AGMO: variants seen among roughly 807,000 people sequenced by gnomAD.
AGMO encodes the protein glyceryl-ether monooxygenase.
In AGMO, 75 loss-of-function variants were observed where a neutral mutation model predicts 60.2. The ratio of observed to expected loss-of-function variants is 1.25; its 90% CI spans 1.03 to 1.51. The LOEUF (loss-of-function observed/expected upper bound fraction) is 1.51, where lower values mean the gene tolerates loss of function less well. Ranked by LOEUF, AGMO falls within the 40% of genes most tolerant of loss-of-function variation. The pLI, the probability that AGMO is intolerant of heterozygous loss-of-function variation, is 0.00. For synonymous variants in AGMO, 261 were observed against 177.1 expected, an observed-to-expected ratio of 1.47 and a Z score of -3.76; for missense variants, 763 against 525.5, an observed-to-expected ratio of 1.45 and a Z score of -4.42.
chr7:15,142,430 C>A, the AGMO span, among the ~76,000 whole-genome samples: 1 of 152,228 alleles, frequency 6.6e-6, no homozygotes, highest in Non-Finnish European at 1.5e-5. Context: ...AGAAAGGTTT[C>A]TTTTCATGGT....
chr7:15,174,692 A>G, the AGMO span, among the ~76,000 whole-genome samples: 3 of 152,114 alleles, frequency 2.0e-5, no homozygotes, highest in African/African-American at 7.2e-5. Context: ...GATAGAATGG[A>G]GTAGTAATTA....
chr7:15,561,904 A>C lies in AGMO; in HGVS notation c.-59T>G. 1 of 1,525,174 alleles carries C rather than the reference A, an allele frequency of 6.6e-7. No individual in the cohort carries two copies. The highest frequency in any genetic ancestry group is 8.8e-7 in the Non-Finnish European group (1 of 1,130,382). 94.5% of individuals were successfully genotyped at this position (1,525,174 alleles called of 1,614,324 possible). ...TTTAGGATTCAATGCTTGAAGCCTGAGGCTGAACAAAGAGGACGAGATGTG... is the reference window on the plus strand; with the variant it reads ...TTTAGGATTCAATGCTTGAAGCCTGCGGCTGAACAAAGAGGACGAGATGTG... On this transcript the variant is annotated 5_prime_UTR_variant, in exon 1 of 13. Transcript: ENST00000342526.
chr7:15,389,789 C>G (rs900886932), intron 8 of AGMO, among the ~76,000 whole-genome samples: 2 of 152,162 alleles, frequency 1.3e-5, no homozygotes, highest in African/African-American at 4.8e-5. Flanking sequence ...AGAGCCACTA[C>G]TTTATAAGGT....
intron 10 of AGMO, among the ~76,000 whole-genome samples, chr7:15,372,081 C>A (rs1783240941): frequency 6.6e-6 from 1 of 151,994 alleles, no homozygotes; most frequent in African/African-American, 2.4e-5. Context: ...GGTTCATTTT[C>A]CTATGGAACT....
At position 15,366,090 on chromosome 7, in the gene AGMO, A is replaced by T. The variant is rs369242794; in HGVS notation, c.1157+50T>A. 4.0e-4 allele frequency: 560 copies of T among 1,409,154 alleles called. 3 individuals carry two copies. The highest frequency in any genetic ancestry group is 1.8e-4 in the Middle Eastern group (1 of 5,694). 87.3% of individuals were successfully genotyped at this position (1,409,154 alleles called of 1,614,324 possible). Reference sequence around the variant, plus strand: ...CTGGTATTTTACCACTCTGTGGAAAATTCTTGAATTGAGTAAAAGTAAAAA... The same window carrying T: ...CTGGTATTTTACCACTCTGTGGAAATTTCTTGAATTGAGTAAAAGTAAAAA... On this transcript the variant is annotated intron_variant, in intron 11 of 12. Transcript: ENST00000342526.
intron 3 of AGMO, among the ~76,000 whole-genome samples, chr7:15,491,594 A>C (rs1436562708): frequency 6.6e-6 from 1 of 152,214 alleles, no homozygotes; most frequent in South Asian, 2.1e-4. Context: ...AAAATAAATC[A>C]CCATGTCCTA....
chr7:15,385,094 G>C (rs1351369724), intron 10 of AGMO, among the ~76,000 whole-genome samples: 1 of 152,268 alleles, frequency 6.6e-6, no homozygotes, highest in African/African-American at 2.4e-5. Flanking sequence ...AGGTAAGTAT[G>C]TTGAAACTGA....
chr7:15,465,338 C>A (rs893961059), intron 3 of AGMO, among the ~76,000 whole-genome samples: 10 of 149,628 alleles, frequency 6.7e-5, no homozygotes, highest in African/African-American at 2.4e-4. Flanking sequence ...TGTGTGTGTG[C>A]GTGTGTGTAT....
chr7:15,509,176 T>G (rs1292240478), intron 3 of AGMO, among the ~76,000 whole-genome samples: 1 of 152,144 alleles, frequency 6.6e-6, no homozygotes, highest in African/African-American at 2.4e-5. Context: ...AATTAGATAC[T>G]ACATTGAGAA....
At chr7:15,252,242 T>C (rs767261388) in intron 12 of AGMO, among the ~76,000 whole-genome samples, 1 of 152,298 alleles carries the variant, frequency 6.6e-6, no homozygotes, top group African/African-American at 2.4e-5. Context: ...GAAGGGTTAG[T>C]AGTGGTGGTG....
At chr7:15,359,175 G>C (rs985129421) in intron 12 of AGMO, among the ~76,000 whole-genome samples, 1 of 151,694 alleles carries the variant, frequency 6.6e-6, no homozygotes, top group East Asian at 2.0e-4. Flanking sequence ...TGTAGTCCCA[G>C]CTACTCGGGA....
intron 12 of AGMO, among the ~76,000 whole-genome samples, chr7:15,209,921 T>C (rs78877588): frequency 0.024 from 3,582 of 152,158 alleles, 138 homozygotes; most frequent in African/African-American, 0.079. Flanking sequence ...ACTGATTACA[T>C]AAACACTACA....
chr7:15,414,207 G>A (rs181061120), intron 5 of AGMO, among the ~76,000 whole-genome samples: 3 of 151,896 alleles, frequency 2.0e-5, no homozygotes, highest in African/African-American at 7.2e-5. Flanking sequence ...CATCATGTTA[G>A]CCAGATTGGT....
At chr7:15,372,615 C>T (rs1783264688) in intron 10 of AGMO, among the ~76,000 whole-genome samples, 1 of 151,736 alleles carries the variant, frequency 6.6e-6, no homozygotes, top group Non-Finnish European at 1.5e-5. Context: ...GACCACTGGC[C>T]AACTACACTA....
chr7:15,442,457 C>A (rs1301995528), intron 3 of AGMO, among the ~76,000 whole-genome samples: 1 of 152,144 alleles, frequency 6.6e-6, no homozygotes, highest in African/African-American at 2.4e-5. Context: ...TATGTAGGAA[C>A]ATTTCCCCCA....
the AGMO span, among the ~76,000 whole-genome samples, chr7:15,162,473 G>T: frequency 1.7e-4 from 26 of 152,020 alleles, no homozygotes; most frequent in Non-Finnish European, 2.4e-4. Flanking sequence ...CAGGTGGTTT[G>T]CTTGAGCTCA....
intron 12 of AGMO, among the ~76,000 whole-genome samples, chr7:15,308,882 T>C (rs1353093202): frequency 6.6e-6 from 1 of 152,302 alleles, no homozygotes; most frequent in Non-Finnish European, 1.5e-5. Flanking sequence ...AGTCAATGTA[T>C]GGTAAAACAG....
At chr7:15,361,162 T>C (rs1467370160) in intron 12 of AGMO, among the ~76,000 whole-genome samples, 1 of 151,948 alleles carries the variant, frequency 6.6e-6, no homozygotes, top group East Asian at 1.9e-4. Context: ...GTCACTGTCA[T>C]CAGCACAATG....
At chr7:15,511,242 A>C (rs1159357828) in intron 3 of AGMO, among the ~76,000 whole-genome samples, 3 of 152,126 alleles carry the variant, frequency 2.0e-5, no homozygotes, top group Admixed American at 6.5e-5. Flanking sequence ...ATGCAGGACC[A>C]TGTAGACATG....
Sources: allele counts gnomAD v4.1 joint callset (sites outside exome capture counted in the v4.1 genomes callset), GRCh38; gene constraint gnomAD v4.1.1; transcripts MANE v1.5; gene names NCBI Gene and HGNC (gene_info 2026-07-23, HGNC 2026-07-21).